The following SMYD3 variants were observed in gnomAD, a reference collection of about 807,000 sequenced individuals.
SMYD3 encodes the protein SET and MYND domain containing 3.
A neutral mutation model predicts 57.7 loss-of-function variants in SMYD3; 36 were observed. The observed-to-expected ratio is 0.62, with a 90% CI of 0.48 to 0.82. The LOEUF (loss-of-function observed/expected upper bound fraction) is 0.82, where lower values mean the gene tolerates loss of function less well. Among genes scored for constraint, SMYD3 ranks in the 40% least tolerant of loss-of-function variants. The pLI, the probability that SMYD3 is intolerant of heterozygous loss-of-function variation, is 0.00. For missense variants in SMYD3, 515 were observed against 538.8 expected (o/e 0.96, Z 0.44); for synonymous variants, 211 against 195.0 (o/e 1.08, Z -0.68).
intron 1 of SMYD3, among the ~76,000 whole-genome samples, chr1:246,420,223 C>G (rs1384276497): frequency 1.3e-5 from 2 of 151,136 alleles, no homozygotes; most frequent in Admixed American, 6.6e-5. Context: ...TCTGTCATGA[C>G]TTGATATAGC....
chr1:246,123,852 G>A (rs2095755), intron 5 of SMYD3, among the ~76,000 whole-genome samples: 12,229 of 152,000 alleles, frequency 0.08, 989 homozygotes, highest in African/African-American at 0.19. Context: ...CATAGGAACC[G>A]TTAACGAAAT....
At chr1:246,220,925 G>A (rs1287450425) in intron 5 of SMYD3, among the ~76,000 whole-genome samples, 2 of 151,894 alleles carry the variant, frequency 1.3e-5, no homozygotes, top group Non-Finnish European at 1.5e-5. Context: ...GAGCTGCAGA[G>A]ATGGTACTAC....
intron 5 of SMYD3, among the ~76,000 whole-genome samples, chr1:246,197,956 T>C (rs147129080): frequency 3.3e-5 from 5 of 152,338 alleles, no homozygotes; most frequent in Admixed American, 2.6e-4. Context: ...TTTGCCATTG[T>C]AATTGTGGTT....
intron 5 of SMYD3, among the ~76,000 whole-genome samples, chr1:246,250,068 C>G (rs183509502): frequency 2.1e-4 from 32 of 152,276 alleles, no homozygotes; most frequent in Admixed American, 2.1e-3. Flanking sequence ...TTGATATATA[C>G]CTGCAAAACT....
At chr1:245,986,934 A>G (rs993485964) in intron 5 of SMYD3, among the ~76,000 whole-genome samples, 1 of 152,238 alleles carries the variant, frequency 6.6e-6, no homozygotes, top group Non-Finnish European at 1.5e-5. Context: ...CTTGATGAAC[A>G]TATTTGCATT....
intron 5 of SMYD3, among the ~76,000 whole-genome samples, chr1:246,010,610 T>G (rs1430042079): frequency 6.6e-6 from 1 of 152,210 alleles, no homozygotes; most frequent in East Asian, 1.9e-4. Flanking sequence ...ACGAACAGTG[T>G]GACGGAGAAA....
chr1:245,887,829 G>T (rs1297486404), intron 8 of SMYD3, among the ~76,000 whole-genome samples: 1 of 152,108 alleles, frequency 6.6e-6, no homozygotes, highest in Non-Finnish European at 1.5e-5. Flanking sequence ...TATGATATAT[G>T]TCTCACATCA....
At chr1:246,378,719 A>ATT (rs1558433560) in intron 1 of SMYD3, among the ~76,000 whole-genome samples, 1,786 of 37,982 alleles carry the variant, frequency 0.047, 58 homozygotes, top group African/African-American at 0.11. Flanking sequence ...TATATAATAT[A>ATT]ATATATTATA....
intron 1 of SMYD3, among the ~76,000 whole-genome samples, chr1:246,491,252 T>A (rs1474968872): frequency 6.6e-6 from 1 of 152,122 alleles, no homozygotes; most frequent in African/African-American, 2.4e-5. Context: ...AATAAGAATC[T>A]GTCAGCCGGG....
chr1:246,001,970 G>A (rs2059057216), intron 5 of SMYD3, among the ~76,000 whole-genome samples: 1 of 152,022 alleles, frequency 6.6e-6, no homozygotes, highest in Non-Finnish European at 1.5e-5. Flanking sequence ...GGTTCTGGGC[G>A]ATCCCCAAGA....
At chr1:245,847,243 T>C (rs1239284149) in intron 10 of SMYD3, among the ~76,000 whole-genome samples, 1 of 152,234 alleles carries the variant, frequency 6.6e-6, no homozygotes, top group South Asian at 2.1e-4. Flanking sequence ...ACTTTTTATT[T>C]CTTTCAAGGA....
intron 5 of SMYD3, among the ~76,000 whole-genome samples, chr1:245,971,093 TAC>T (rs2058289164): frequency 6.6e-6 from 1 of 152,158 alleles, no homozygotes; most frequent in Non-Finnish European, 1.5e-5. Context: ...GTGGCACATA[TAC>T]ACCACAGAAT....
intron 10 of SMYD3, among the ~76,000 whole-genome samples, chr1:245,788,260 G>C (rs1224280234): frequency 1.3e-5 from 2 of 152,056 alleles, no homozygotes; most frequent in South Asian, 2.1e-4. Context: ...ACAGGGAACA[G>C]GGCAAGAAGA....
At chr1:245,750,303 G>A (rs763170645) in intron 11 of SMYD3, among the ~76,000 whole-genome samples, 2 of 152,134 alleles carry the variant, frequency 1.3e-5, no homozygotes, top group African/African-American at 2.4e-5. Flanking sequence ...GTTGTTTACT[G>A]GTCAGTATGT....
chr1:246,366,930 C>CAAAAAA (rs1269333583), intron 1 of SMYD3, among the ~76,000 whole-genome samples: 2 of 58,562 alleles, frequency 3.4e-5, no homozygotes, highest in Non-Finnish European at 3.6e-5. Context: ...GACTCCATCT[C>CAAAAAA]AAAAAAAAAA....
intron 2 of SMYD3, among the ~76,000 whole-genome samples, chr1:246,336,213 A>C (rs1202924740): frequency 3.9e-5 from 6 of 152,188 alleles, no homozygotes; most frequent in African/African-American, 1.4e-4. Flanking sequence ...GACTAAAGGG[A>C]AGGACACTAT....
intron 10 of SMYD3, among the ~76,000 whole-genome samples, chr1:245,810,702 T>A (rs2048412247): frequency 6.6e-6 from 1 of 152,174 alleles, no homozygotes; most frequent in Non-Finnish European, 1.5e-5. Flanking sequence ...CTAGCCTGGG[T>A]AAGCCCCAGG....
chr1:246,375,212 A>G (rs1428421317), intron 1 of SMYD3, among the ~76,000 whole-genome samples: 2 of 152,062 alleles, frequency 1.3e-5, no homozygotes, highest in African/African-American at 2.4e-5. Flanking sequence ...CTAATCCTGT[A>G]TATCTACTAG....
intron 8 of SMYD3, among the ~76,000 whole-genome samples, chr1:245,899,072 T>C (rs896936919): frequency 2.0e-5 from 3 of 152,228 alleles, no homozygotes; most frequent in African/African-American, 7.2e-5. Context: ...AATATGCAGA[T>C]GTAGACACAT....
Sources: gnomAD v4.1 joint callset for allele counts (sites outside exome capture counted in the v4.1 genomes callset) on GRCh38, gnomAD v4.1.1 for gene constraint, MANE v1.5 for transcripts, NCBI Gene and HGNC (gene_info 2026-07-23, HGNC 2026-07-21) for gene names.